The following CDKL4 variants were observed in gnomAD, a reference collection of about 807,000 sequenced individuals.
The protein encoded by CDKL4 is cyclin dependent kinase like 4.
Under a neutral mutation model 42.0 loss-of-function variants are expected in CDKL4, and 44 were observed. That is an observed-to-expected ratio of 1.05 (90% CI 0.82 to 1.35). CDKL4 has a LOEUF of 1.35. Among genes scored for constraint, CDKL4 ranks in the 40% most tolerant of loss-of-function variants. The pLI is 0.00. For missense variants in CDKL4, 393 were observed against 369.9 expected, an observed-to-expected ratio of 1.06 and a Z score of -0.51; for synonymous variants, 120 against 121.6, an observed-to-expected ratio of 0.99 and a Z score of 0.09.
downstream of CDKL4, among the ~76,000 whole-genome samples, chr2:39,174,105 A>T (rs570259906): frequency 2.0e-5 from 3 of 152,034 alleles, no homozygotes; most frequent in Admixed American, 1.3e-4. Context: ...AGATCAGCTC[A>T]CTTAAAAAGT....
intron 3 of CDKL4, among the ~76,000 whole-genome samples, chr2:39,220,991 T>TG (rs1558575861): frequency 1.6e-4 from 8 of 51,212 alleles, no homozygotes; most frequent in African/African-American, 2.0e-4. Flanking sequence ...TTTTTTTTTT[T>TG]TTTTTTTTTG....
intron 5 of CDKL4, among the ~76,000 whole-genome samples, chr2:39,203,641 T>C (rs1173648280): frequency 6.6e-6 from 1 of 152,222 alleles, no homozygotes; most frequent in Non-Finnish European, 1.5e-5. Context: ...CTTAAACATT[T>C]TCCGATGCCA....
Position 39,190,219 on chromosome 2 carries a change from AT to A in CDKL4, c.652+85del, listed in dbSNP as rs990353445. Reference sequence around the variant, plus strand: ...AGAAGCAATAAAACTCTTGTTTTTTATTTTTATTTATTTATTTTTTATTATA... The same window carrying A: ...AGAAGCAATAAAACTCTTGTTTTTTATTTTATTTATTTATTTTTTATTATA... On this transcript the variant is annotated intron_variant, in intron 6 of 9. Transcript: ENST00000451199. 3.8e-5 allele frequency: 36 copies of A among 942,358 alleles called. No homozygotes were observed. In the African/African-American group the frequency reaches 4.4e-4, roughly 11 times the overall value. The allele number at this position is 942,358 out of a possible 1,614,324, so 58.4% of individuals were successfully genotyped here.
intron 1 of CDKL4, among the ~76,000 whole-genome samples, chr2:39,238,046 A>C (rs1215227932): frequency 6.6e-6 from 1 of 152,260 alleles, no homozygotes; most frequent in African/African-American, 2.4e-5. Context: ...TACCATTGAA[A>C]GAAATTAAAG....
intron 9 of CDKL4, among the ~76,000 whole-genome samples, chr2:39,177,127 C>T (rs1439517700): frequency 6.6e-6 from 1 of 152,130 alleles, no homozygotes; most frequent in African/African-American, 2.4e-5. Flanking sequence ...GTGTTTCTTT[C>T]CTTTTGCTGC....
chr2:39,177,315 G>T (rs1168931768), intron 9 of CDKL4, among the ~76,000 whole-genome samples: 1 of 152,106 alleles, frequency 6.6e-6, no homozygotes, highest in Non-Finnish European at 1.5e-5. Context: ...AGATTCCCAG[G>T]TAGACAGTGA....
At chr2:39,240,188 T>A (rs910894369) in intron 1 of CDKL4, among the ~76,000 whole-genome samples, 4 of 151,980 alleles carry the variant, frequency 2.6e-5, no homozygotes, top group South Asian at 2.1e-4. Flanking sequence ...GACAGGCGAA[T>A]CACCTGAGGT....
chr2:39,236,637 CTG>C (rs1679390584), intron 1 of CDKL4, among the ~76,000 whole-genome samples: 1 of 151,984 alleles, frequency 6.6e-6, no homozygotes, highest in African/African-American at 2.4e-5. Context: ...TAAACAAAAA[CTG>C]GTTCTTTGAA....
At chr2:39,229,365 C>T (rs1162648740) in exon 2 of CDKL4, 2 of 1,577,954 alleles carry the variant, frequency 1.3e-6, no homozygotes, top group Non-Finnish European at 1.7e-6. Flanking sequence ...GTTAACTTAC[C>T]TTCAACATAC....
intron 3 of CDKL4, among the ~76,000 whole-genome samples, chr2:39,220,888 A>C (rs992589694): frequency 4.4e-5 from 6 of 135,852 alleles, no homozygotes; most frequent in Non-Finnish European, 7.9e-5. Flanking sequence ...CGCCTGGCCC[A>C]ACTCTTCTTT....
chr2:39,204,665 A>T (rs780255987), intron 4 of CDKL4, 48 bp from the exon 5 acceptor site: 1 of 1,035,792 alleles, frequency 9.7e-7, no homozygotes, highest in Non-Finnish European at 1.5e-6. Context: ...AAAATGACAA[A>T]GAATAAACAT....
intron 1 of CDKL4, among the ~76,000 whole-genome samples, chr2:39,232,955 G>C (rs1321283027): frequency 7.2e-6 from 1 of 138,446 alleles, no homozygotes; most frequent in Non-Finnish European, 1.5e-5. Flanking sequence ...TGAGACAAGA[G>C]AATTGCTTGA....
intron 5 of CDKL4, among the ~76,000 whole-genome samples, chr2:39,191,884 C>T (rs1326668416): frequency 1.3e-5 from 2 of 152,106 alleles, no homozygotes; most frequent in Non-Finnish European, 2.9e-5. Context: ...GAAAGCAGCC[C>T]GACTTGCAGA....
intron 9 of CDKL4, among the ~76,000 whole-genome samples, chr2:39,176,317 A>G (rs1237546798): frequency 6.6e-6 from 1 of 152,228 alleles, no homozygotes; most frequent in African/African-American, 2.4e-5. Context: ...TGGATATACT[A>G]CTATTTATTT....
At chr2:39,221,928 A>G (rs1475015033) in intron 3 of CDKL4, among the ~76,000 whole-genome samples, 1 of 152,214 alleles carries the variant, frequency 6.6e-6, no homozygotes, top group Non-Finnish European at 1.5e-5. Context: ...AACCCAATCA[A>G]CATAACCATT....
intron 1 of CDKL4, among the ~76,000 whole-genome samples, chr2:39,240,774 C>T (rs1034407856): frequency 5.3e-5 from 8 of 151,274 alleles, no homozygotes; most frequent in Non-Finnish European, 1.0e-4. Context: ...TTTATAATTC[C>T]ATTACAGGAA....
At chr2:39,245,930 T>C (rs1407543792), upstream of CDKL4, among the ~76,000 whole-genome samples, 1 of 152,198 alleles carries the variant, frequency 6.6e-6, no homozygotes, top group Non-Finnish European at 1.5e-5. Context: ...TTGACACCCA[T>C]TAGGGAAGAA....
chr2:39,203,594 T>C (rs1230665973), intron 5 of CDKL4, among the ~76,000 whole-genome samples: 1 of 152,204 alleles, frequency 6.6e-6, no homozygotes, highest in East Asian at 1.9e-4. Context: ...TCATACTGAA[T>C]ACATATGTTT....
At chr2:39,175,425 G>A (rs1456439773), downstream of CDKL4, among the ~76,000 whole-genome samples, 1 of 152,126 alleles carries the variant, frequency 6.6e-6, no homozygotes, top group African/African-American at 2.4e-5. Context: ...AATCATCAAT[G>A]CCTCATGAGA....
Sources: gnomAD v4.1 joint callset for allele counts (sites outside exome capture counted in the v4.1 genomes callset) on GRCh38, gnomAD v4.1.1 for gene constraint, MANE v1.5 for transcripts, NCBI Gene and HGNC (gene_info 2026-07-23, HGNC 2026-07-21) for gene names.